Variants in HCN1 observed in about 807,000 individuals in gnomAD.
HCN1 encodes potassium/sodium hyperpolarization-activated cyclic nucleotide-gated channel 1.
In HCN1, 13 loss-of-function variants were observed where a neutral mutation model predicts 78.9. The ratio of observed to expected loss-of-function variants is 0.16; its 90% CI spans 0.11 to 0.26. The LOEUF (loss-of-function observed/expected upper bound fraction) is 0.26. Among genes scored for constraint, HCN1 ranks in the 10% least tolerant of loss-of-function variants. HCN1 has a pLI of 1.00. For missense variants in HCN1, 810 were observed against 1,154.3 expected (o/e 0.70, Z 4.32); for synonymous variants, 552 against 455.5 (o/e 1.21, Z -2.70).
At chr5:45,533,346 A>G (rs955496655) in intron 2 of HCN1, among the ~76,000 whole-genome samples, 2 of 152,210 alleles carry the variant, frequency 1.3e-5, no homozygotes, top group African/African-American at 4.8e-5. Context: ...ACTCCAAGTC[A>G]GTTCCTTTCT....
At chr5:45,401,719 C>A (rs1271998418) in intron 3 of HCN1, among the ~76,000 whole-genome samples, 1 of 144,264 alleles carries the variant, frequency 6.9e-6, no homozygotes, top group East Asian at 2.0e-4. Flanking sequence ...AATGGAATGT[C>A]TTTTGTGCCA....
At chr5:45,665,191 C>T (rs1313699283) in intron 1 of HCN1, among the ~76,000 whole-genome samples, 4 of 151,484 alleles carry the variant, frequency 2.6e-5, no homozygotes, top group Non-Finnish European at 4.4e-5. Context: ...AGTAAACTAT[C>T]GCAAGGACTA....
rs1281946472 is a variant in HCN1 at position 45,258,003 on chromosome 5, G to T, written c.*3918C>A. 1 of 150,884 alleles carries T rather than the reference G, an allele frequency of 6.6e-6. No individual in the cohort carries two copies. The highest frequency in any genetic ancestry group is 2.5e-5 in the African/African-American group (1 of 40,398). 9.3% of individuals were successfully genotyped at this position (150,884 alleles called of 1,614,324 possible). ...ATAAAATAAAAGTTTGCTAGTTGTAGTGCATATGAACAAAATAACCACATG... is the reference window on the plus strand; with the variant it reads ...ATAAAATAAAAGTTTGCTAGTTGTATTGCATATGAACAAAATAACCACATG... On this transcript the variant is annotated 3_prime_UTR_variant, in exon 8 of 8. Transcript: ENST00000303230.
chr5:45,466,372 C>T (rs943358996), intron 2 of HCN1, among the ~76,000 whole-genome samples: 2 of 152,096 alleles, frequency 1.3e-5, no homozygotes, highest in South Asian at 2.1e-4. Flanking sequence ...TGCTTTTAGT[C>T]GTTGACTTTA....
intron 2 of HCN1, among the ~76,000 whole-genome samples, chr5:45,519,250 C>T (rs1742570657): frequency 6.6e-6 from 1 of 152,006 alleles, no homozygotes; most frequent in Non-Finnish European, 1.5e-5. Flanking sequence ...GAGAAGATCA[C>T]AGACCACTAC....
intron 2 of HCN1, among the ~76,000 whole-genome samples, chr5:45,534,404 C>CAAAAAA (rs71000637): frequency 0.011 from 326 of 29,312 alleles, 60 homozygotes; most frequent in African/African-American, 0.012. Flanking sequence ...GACTGCATCT[C>CAAAAAA]AAAAAAAAAA....
intron 2 of HCN1, among the ~76,000 whole-genome samples, chr5:45,554,518 G>T (rs1220379496): frequency 2.6e-5 from 4 of 151,638 alleles, no homozygotes; most frequent in Admixed American, 6.6e-5. Flanking sequence ...CCTCAACCTA[G>T]GGTTATTATA....
chr5:45,447,708 T>C (rs1264132370), intron 3 of HCN1, among the ~76,000 whole-genome samples: 2 of 152,144 alleles, frequency 1.3e-5, no homozygotes, highest in African/African-American at 4.8e-5. Context: ...CTCAGTTCTA[T>C]AGTGTGTTAG....
intron 3 of HCN1, among the ~76,000 whole-genome samples, chr5:45,426,020 A>G (rs958088975): frequency 5.3e-5 from 8 of 152,178 alleles, no homozygotes; most frequent in Non-Finnish European, 1.2e-4. Flanking sequence ...GATAGGTACT[A>G]GGTATATATG....
intron 2 of HCN1, among the ~76,000 whole-genome samples, chr5:45,597,124 T>G (rs2111956650): frequency 6.6e-6 from 1 of 152,136 alleles, no homozygotes; most frequent in Middle Eastern, 3.4e-3. Context: ...AAAAGAGAAT[T>G]TTTTAGACCA....
At chr5:45,620,872 T>C (rs899356563) in intron 2 of HCN1, among the ~76,000 whole-genome samples, 15 of 152,158 alleles carry the variant, frequency 9.9e-5, no homozygotes, top group Non-Finnish European at 1.3e-4. Flanking sequence ...ATTCATTCAA[T>C]CTATTATTTA....
intron 2 of HCN1, among the ~76,000 whole-genome samples, chr5:45,515,716 C>T (rs1742503689): frequency 6.6e-6 from 1 of 151,956 alleles, no homozygotes. Flanking sequence ...TTCACCTGTC[C>T]ATCCAGCTAC....
At chr5:45,318,436 A>T (rs1366251706) in intron 5 of HCN1, among the ~76,000 whole-genome samples, 1 of 152,092 alleles carries the variant, frequency 6.6e-6, no homozygotes, top group African/African-American at 2.4e-5. Context: ...GGGAGGAAGG[A>T]TAGCATTGGA....
chr5:45,507,886 T>A (rs1742340327), intron 2 of HCN1, among the ~76,000 whole-genome samples: 1 of 152,124 alleles, frequency 6.6e-6, no homozygotes. Flanking sequence ...TTATTATAAT[T>A]CCATGATAAA....
At chr5:45,388,285 C>T (rs1413947850) in intron 4 of HCN1, among the ~76,000 whole-genome samples, 2 of 152,108 alleles carry the variant, frequency 1.3e-5, no homozygotes, top group African/African-American at 4.8e-5. Flanking sequence ...TGAGTGGTCA[C>T]AGTTCTGCTT....
Position 45,257,530 on chromosome 5 carries a change from G to A in HCN1, c.*4391C>T, listed in dbSNP as rs1473081179. The A allele has an allele frequency of 3.3e-5, 5 of 152,134 alleles. No individual in the cohort carries two copies. The highest frequency in any genetic ancestry group is 2.1e-4 in the South Asian group (1 of 4,828). 9.4% of individuals were successfully genotyped at this position (152,134 alleles called of 1,614,324 possible). ...TAATTTTCAAGGTGGGATGCGGGGA[G>A]TGTCAGCAAGGCTTCTCTCATTAAA... On this transcript the variant is annotated 3_prime_UTR_variant, in exon 8 of 8. Transcript: ENST00000303230.
intron 2 of HCN1, among the ~76,000 whole-genome samples, chr5:45,583,673 A>G (rs2111927790): frequency 6.6e-6 from 1 of 151,658 alleles, no homozygotes; most frequent in Admixed American, 6.6e-5. Flanking sequence ...AGTGCTATAA[A>G]TTTCCCTCTA....
intron 3 of HCN1, among the ~76,000 whole-genome samples, chr5:45,455,121 C>A (rs559917268): frequency 6.6e-6 from 1 of 151,956 alleles, no homozygotes; most frequent in Non-Finnish European, 1.5e-5. Flanking sequence ...TAGAACACCA[C>A]TGGATGAGTT....
intron 2 of HCN1, among the ~76,000 whole-genome samples, chr5:45,635,051 CT>C: frequency 6.6e-6 from 1 of 152,136 alleles, no homozygotes; most frequent in East Asian, 1.9e-4. Context: ...AATCCAGATT[CT>C]ACTATTTTAA....
Sources: allele counts gnomAD v4.1 joint callset (sites outside exome capture counted in the v4.1 genomes callset), GRCh38; gene constraint gnomAD v4.1.1; transcripts MANE v1.5; gene names NCBI Gene and HGNC (gene_info 2026-07-23, HGNC 2026-07-21).